Variants in FAM168A observed in about 807,000 individuals in gnomAD.
FAM168A encodes protein FAM168A.
FAM168A carries 3 observed loss-of-function variants against 28.5 expected under a neutral mutation model. The observed-to-expected ratio is 0.11, with a 90% CI of 0.05 to 0.27. The LOEUF is 0.27. Among genes scored for constraint, FAM168A ranks in the 10% least tolerant of loss-of-function variants. The pLI, the probability that FAM168A is intolerant of heterozygous loss-of-function variation, is 1.00. For missense variants in FAM168A, 222 were observed against 311.5 expected (o/e 0.71, Z 2.16); for synonymous variants, 122 against 124.2 (o/e 0.98, Z 0.12).
chr11:73,529,788 T>TTTTTC (rs1375121215), intron 1 of FAM168A, among the ~76,000 whole-genome samples: 15 of 142,278 alleles, frequency 1.1e-4, no homozygotes, highest in Middle Eastern at 3.4e-3. Flanking sequence ...TTCAAACAAC[T>TTTTTC]TTTTCTTCTT....
intron 1 of FAM168A, among the ~76,000 whole-genome samples, chr11:73,481,846 C>A (rs1243412764): frequency 6.6e-6 from 1 of 152,160 alleles, no homozygotes. Context: ...GGAGATAGAG[C>A]CTTCTGGGAG....
chr11:73,492,147 C>T lies in FAM168A; in HGVS notation c.-18-23655G>A, dbSNP rs762901771. ...CCAGACTTTACCCTGACTCCTCACA[C>T]GCCAAGCCCAATGTTCCTCCCATCA... is the stretch of plus-strand genomic sequence containing the variant. On this transcript the variant is annotated intron_variant, in intron 1 of 7. Transcript: ENST00000356467. Among the ~76,000 whole-genome samples the T allele has an allele frequency of 9.2e-4, 140 of 152,160 alleles. 3 individuals carry two copies. The highest frequency in any genetic ancestry group is 2.9e-4 in the Non-Finnish European group (20 of 68,038).
At chr11:73,409,993 A>C (rs1468020267) in intron 5 of FAM168A, among the ~76,000 whole-genome samples, 1 of 152,196 alleles carries the variant, frequency 6.6e-6, no homozygotes, top group Non-Finnish European at 1.5e-5. Context: ...AATAACAATC[A>C]ATCAGTTACC....
chr11:73,430,146 A>G lies in FAM168A; in HGVS notation c.151+544T>C. The G allele has an allele frequency of 1.3e-5, 2 of 158,536 alleles. 1 individual carries two copies. Among genetic ancestry groups the G allele is most frequent in the South Asian group, 3.5e-4 (2 of 5,664 alleles). 9.8% of individuals were successfully genotyped at this position (158,536 alleles called of 1,614,324 possible). A position where few individuals can be genotyped will look rare whatever the true frequency, so the allele number is the denominator to read the frequency against. On this transcript the variant is annotated intron_variant, in intron 3 of 7. Transcript: ENST00000356467. ...AAACCTTTTCAACATTTTCAAACCCATTTCAACCTCAATCCGAGTGTTGGG... is the reference window on the plus strand; with the variant it reads ...AAACCTTTTCAACATTTTCAAACCCGTTTCAACCTCAATCCGAGTGTTGGG...
chr11:73,502,544 C>T (rs936106777), intron 1 of FAM168A, among the ~76,000 whole-genome samples: 1 of 152,138 alleles, frequency 6.6e-6, no homozygotes, highest in African/African-American at 2.4e-5. Flanking sequence ...CACGGATTTA[C>T]AGCCGAATTC....
At chr11:73,493,371 T>C (rs1413429582) in intron 1 of FAM168A, among the ~76,000 whole-genome samples, 1 of 152,110 alleles carries the variant, frequency 6.6e-6, no homozygotes, top group Non-Finnish European at 1.5e-5. Context: ...GCTCACTGTG[T>C]CTGTGTATGT....
chr11:73,439,570 G>T (rs1867155181), intron 2 of FAM168A, among the ~76,000 whole-genome samples: 1 of 152,278 alleles, frequency 6.6e-6, no homozygotes. Flanking sequence ...AAGGCCAAGA[G>T]TGTGCTGTTG....
intron 1 of FAM168A, among the ~76,000 whole-genome samples, chr11:73,536,929 G>A (rs1943590333): frequency 1.3e-5 from 2 of 152,170 alleles, no homozygotes; most frequent in Admixed American, 1.3e-4. Flanking sequence ...CATAGACAAA[G>A]CATTAAGAGA....
intron 1 of FAM168A, among the ~76,000 whole-genome samples, chr11:73,538,136 T>C (rs771703945): frequency 1.3e-5 from 2 of 152,098 alleles, no homozygotes; most frequent in Non-Finnish European, 2.9e-5. Context: ...CATGTTTGGG[T>C]TGACTAACAC....
At chr11:73,469,900 A>G (rs1020963229) in intron 1 of FAM168A, among the ~76,000 whole-genome samples, 1 of 152,050 alleles carries the variant, frequency 6.6e-6, no homozygotes, top group African/African-American at 2.4e-5. Flanking sequence ...AAGAGATCAT[A>G]GATTTTTTGT....
At chr11:73,530,643 C>T (rs1392234463) in intron 1 of FAM168A, among the ~76,000 whole-genome samples, 1 of 152,198 alleles carries the variant, frequency 6.6e-6, no homozygotes, top group Non-Finnish European at 1.5e-5. Context: ...TCTTTTTCTG[C>T]AGTTACTATC....
chr11:73,468,364 C>A, intron 2 of FAM168A, 41 bp downstream of exon 2: 1 of 1,588,324 alleles, frequency 6.3e-7, no homozygotes, highest in Non-Finnish European at 8.6e-7. Flanking sequence ...ATATCCTTAA[C>A]CACCATTTCT....
intron 1 of FAM168A, among the ~76,000 whole-genome samples, chr11:73,550,390 A>C (rs562327446): frequency 5.6e-4 from 86 of 152,352 alleles, no homozygotes; most frequent in Middle Eastern, 3.4e-3. Context: ...TTGGTGGCTC[A>C]TGCCTGTAAT....
intron 1 of FAM168A, among the ~76,000 whole-genome samples, chr11:73,520,088 C>T (rs112572847): frequency 1.3e-5 from 2 of 152,094 alleles, no homozygotes; most frequent in African/African-American, 4.8e-5. Flanking sequence ...ACTCTGTCAC[C>T]AGGCTGGAGT....
chr11:73,522,878 T>C (rs1458775996), intron 1 of FAM168A, among the ~76,000 whole-genome samples: 1 of 151,752 alleles, frequency 6.6e-6, no homozygotes, highest in Non-Finnish European at 1.5e-5. Flanking sequence ...CCAGGCATAG[T>C]GGCGGGCATC....
rs370203412 is a variant in FAM168A at position 73,468,454 on chromosome 11, G to A, written c.21C>T (p.Pro7=). The A allele has an allele frequency of 6.8e-5, 110 of 1,614,118 alleles. No individual in the cohort carries two copies. The highest frequency in any genetic ancestry group is 8.6e-5 in the Non-Finnish European group (102 of 1,179,976). The part of the protein sequence containing the change: MNPVYS[P]VQPGAPYGNP... ...TGCCATAAGGAGCCCCAGGCTGCAC[G>A]GGGCTGTAAACAGGGTTCATTGTGG... is the stretch of plus-strand genomic sequence containing the variant. The change falls in exon 2 of 8, where the codon CCC becomes CCT. Residue 7 remains proline, a synonymous_variant. Coordinates refer to ENST00000356467, the MANE Select transcript of FAM168A (RefSeq NM_015159.3).
chr11:73,594,843 T>C (rs1345555279), intron 1 of FAM168A, among the ~76,000 whole-genome samples: 1 of 152,216 alleles, frequency 6.6e-6, no homozygotes, highest in Non-Finnish European at 1.5e-5. Context: ...GAAAGGTTTT[T>C]AATGACTTGA....
At chr11:73,484,861 C>G (rs1195330734) in intron 1 of FAM168A, among the ~76,000 whole-genome samples, 1 of 151,648 alleles carries the variant, frequency 6.6e-6, no homozygotes, top group African/African-American at 2.4e-5. Context: ...GCTGAAGAAC[C>G]TGGAGTCCGA....
intron 2 of FAM168A, among the ~76,000 whole-genome samples, chr11:73,435,959 C>T (rs944481464): frequency 1.3e-5 from 2 of 152,168 alleles, no homozygotes; most frequent in East Asian, 1.9e-4. Flanking sequence ...AGTCAGTGGT[C>T]GAATTGGGAA....
Sources: allele counts gnomAD v4.1 joint callset (sites outside exome capture counted in the v4.1 genomes callset), GRCh38; gene constraint gnomAD v4.1.1; transcripts MANE v1.5; gene names NCBI Gene and HGNC (gene_info 2026-07-23, HGNC 2026-07-21).